Variants in FN1 observed in about 807,000 individuals in gnomAD.
FN1 encodes fibronectin.
A neutral mutation model predicts 297.3 loss-of-function variants in FN1; 106 were observed. The observed-to-expected ratio is 0.36, with a 90% CI of 0.30 to 0.42. The LOEUF is 0.42. FN1 is among the 10% of genes least tolerant of loss of function. The probability of loss-of-function intolerance (pLI) is 1.00; values close to 1 mark genes in which losing one functional copy is unlikely to be tolerated. For synonymous variants in FN1, 1,149 were observed against 1,152.6 expected, an observed-to-expected ratio of 1.00 and a Z score of 0.06; for missense variants, 2,690 against 3,124.9, an observed-to-expected ratio of 0.86 and a Z score of 3.32.
intron 41 of FN1, among the ~76,000 whole-genome samples, chr2:215,369,121 T>C (rs2055287050): frequency 6.7e-6 from 1 of 148,944 alleles, no homozygotes; most frequent in Non-Finnish European, 1.5e-5. Flanking sequence ...AAAAGAAAAA[T>C]GGAAGGAACT....
At position 215,387,069 on chromosome 2, in the gene FN1, G is replaced by C; in HGVS notation, c.4343-111C>G. Reference sequence around the variant, plus strand: ...AACGTACATCCAACATTTCGTTCCTGTCTCATCAATACCATGATTTGCCAT... The same window carrying C: ...AACGTACATCCAACATTTCGTTCCTCTCTCATCAATACCATGATTTGCCAT... On this transcript the variant is annotated intron_variant, in intron 27 of 45. Transcript: ENST00000354785. 3 of 926,666 alleles carry C rather than the reference G, an allele frequency of 3.2e-6. No individual in the cohort carries two copies. In the South Asian group the frequency reaches 4.8e-5, roughly 15 times the overall value. The allele number at this position is 926,666 out of a possible 1,614,324, so 57.4% of individuals were successfully genotyped here. A position where few individuals can be genotyped will look rare whatever the true frequency, so the allele number is the denominator to read the frequency against.
rs760075728 is a variant in FN1, at chr2:215,399,369, T to C, written c.3254-18A>G. 2 of 1,553,390 alleles carry C rather than the reference T, an allele frequency of 1.3e-6. No homozygotes were observed. Among genetic ancestry groups the C allele is most frequent in the South Asian group, 2.2e-5 (2 of 89,860 alleles). ...AGGCTGCACTGTGAGAGAGAATCAA[T>C]GCACATATTCAAAACTCAAACTCAC... On this transcript the variant is annotated intron_variant, in intron 20 of 45. Transcript: ENST00000354785.
chr2:215,417,065 A>G (rs1204890226), intron 12 of FN1, among the ~76,000 whole-genome samples: 1 of 152,224 alleles, frequency 6.6e-6, no homozygotes, highest in Non-Finnish European at 1.5e-5. Context: ...TCTAGCTTAT[A>G]CTACGTATAA....
At position 215,408,406 on chromosome 2, in the gene FN1, A is replaced by G; in HGVS notation, c.2320T>C (p.Ser774Pro). The change falls in exon 16 of 46, where the codon TCT (serine) becomes CCT (proline). Residue 774 changes from serine (S) to proline (P), a missense_variant. Around this residue, in one of 3 missense-constraint regions of FN1, gnomAD observed 876 missense variants for 1,058.1 expected, o/e 0.83. Coordinates refer to ENST00000354785, the MANE Select transcript of FN1 (RefSeq NM_212482.4). Reference protein sequence around the residue: ...QYLDLPSTATSVNIPDLLPGR... With the variant: ...QYLDLPSTATPVNIPDLLPGR... ...GGAAGCAGGTCAGGGATGTTCACAG[A>G]AGTGGCTGTGCTTGGAAGATCTTTG... The G allele has an allele frequency of 6.2e-7, 1 of 1,614,186 alleles. No homozygotes were observed. Among genetic ancestry groups the G allele is most frequent in the Non-Finnish European group, 8.5e-7 (1 of 1,180,022 alleles).
At position 215,424,116 on chromosome 2, in the gene FN1, A is replaced by C. The variant is rs77119476; in HGVS notation, c.1216+30T>G. ...TAGGGCATGAAAGTGAGTTTTTCTCACTTCTGTGGCTCCCCCTTGGGACAC... is the reference window on the plus strand; with the variant it reads ...TAGGGCATGAAAGTGAGTTTTTCTCCCTTCTGTGGCTCCCCCTTGGGACAC... On this transcript the variant is annotated intron_variant, in intron 8 of 45. Transcript: ENST00000354785. 12,237 of 1,609,438 alleles carry C rather than the reference A, an allele frequency of 7.6e-3. 791 individuals are homozygous for C. In the African/African-American group the frequency reaches 0.14, roughly 18 times the overall value.
Position 215,388,314 on chromosome 2 carries a change from A to G in FN1, c.4253-13T>C. 2 of 1,595,406 alleles carry G rather than the reference A, an allele frequency of 1.3e-6. No homozygotes were observed. The highest frequency in any genetic ancestry group is 1.7e-6 in the Non-Finnish European group (2 of 1,163,218). On this transcript the variant is annotated splice_polypyrimidine_tract_variant and intron_variant, in intron 26 of 45. Coordinates refer to ENST00000354785, the MANE Select transcript of FN1 (RefSeq NM_212482.4). Reference sequence around the variant, plus strand: ...CCAGGCAGGAGATCTGTAGGGGCAAATGGGGCTTATTTTAAAACTCTGCTC... The same window carrying G: ...CCAGGCAGGAGATCTGTAGGGGCAAGTGGGGCTTATTTTAAAACTCTGCTC...
At chr2:215,428,070 T>G in intron 6 of FN1, 110 bp downstream of exon 6, 1 of 1,314,156 alleles carries the variant, frequency 7.6e-7, no homozygotes, top group Non-Finnish European at 1.1e-6. Context: ...GGTTATTAGC[T>G]GAAACACTGC....
intron 38 of FN1, among the ~76,000 whole-genome samples, chr2:215,374,512 C>A (rs750488768): frequency 2.0e-5 from 3 of 152,290 alleles, no homozygotes; most frequent in Non-Finnish European, 4.4e-5. Flanking sequence ...TCTGGAAGTT[C>A]CTCCTGTGTG....
At position 215,388,305 on chromosome 2, in the gene FN1, T is replaced by C. The variant is rs2059279702; in HGVS notation, c.4253-4A>G. 1.9e-6 allele frequency: 3 copies of C among 1,605,120 alleles called. No individual in the cohort carries two copies. Among genetic ancestry groups the C allele is most frequent in the African/African-American group, 1.3e-5 (1 of 74,720 alleles). On this transcript the variant is annotated splice_polypyrimidine_tract_variant and splice_region_variant and intron_variant, in intron 26 of 45. Transcript: ENST00000354785. ...TATTCTGTACCAGGCAGGAGATCTG[T>C]AGGGGCAAATGGGGCTTATTTTAAA...
chr2:215,428,929 C>T (rs1239753827), intron 5 of FN1, among the ~76,000 whole-genome samples: 1 of 152,056 alleles, frequency 6.6e-6, no homozygotes, highest in South Asian at 2.1e-4. Context: ...GCAAGAGAAT[C>T]GCTTGAACCC....
intron 44 of FN1, chr2:215,364,544 G>C (rs909537268): frequency 7.6e-6 from 3 of 394,810 alleles, no homozygotes; most frequent in Non-Finnish European, 1.4e-5. Flanking sequence ...AGTGTAAATA[G>C]TATCTCTGAC....
Position 215,433,408 on chromosome 2 carries a change from T to C in FN1, c.331A>G (p.Thr111Ala). 1.2e-6 allele frequency: 2 copies of C among 1,614,182 alleles called. No homozygotes were observed. The highest frequency in any genetic ancestry group is 1.7e-6 in the Non-Finnish European group (2 of 1,179,996). Residue 111 changes from threonine to alanine, a missense_variant, in exon 3 of 46, where the codon ACT becomes GCT. This residue lies in a region of FN1 where 876 missense variants were observed against 1,058.1 expected (regional missense o/e 0.83). Transcript: ENST00000354785. ...YTGNTYRVGDTYERPKDSMIW... is the reference protein window; with the variant it reads ...YTGNTYRVGDAYERPKDSMIW... ...ATGGAGTCTTTAGGACGCTCATAAG[T>C]GTCACCCACTCGGTAAGTGTTCCCA...
chr2:215,401,251 G>A (rs6712975), intron 20 of FN1, among the ~76,000 whole-genome samples: 27,974 of 79,422 alleles, frequency 0.35, 4,900 homozygotes, highest in South Asian at 0.44. Context: ...AGAAAGAAAG[G>A]AAGAAAGAAA....
chr2:215,392,940 G>C lies in FN1; in HGVS notation c.4060C>G (p.Gln1354Glu), dbSNP rs746652738. Residue 1354 changes from glutamine (Q) to glutamate (E), a missense_variant, in exon 25 of 46, where the codon CAA (glutamine) becomes GAA (glutamate). Around this residue, in one of 3 missense-constraint regions of FN1, gnomAD observed 1,743 missense variants for 1,945.2 expected, o/e 0.90. Coordinates refer to ENST00000354785, the MANE Select transcript of FN1 (RefSeq NM_212482.4). ...GGESAPTTLT[Q>E]QTAVPPPTDL... ...AGTTTTCAAAATTCACCCGTTTGTT[G>C]TGTCAGTGTAGTAGGGGCACTCTCG... The C allele has an allele frequency of 1.9e-6, 3 of 1,612,588 alleles. No individual in the cohort carries two copies. The highest frequency in any genetic ancestry group is 3.3e-5 in the Admixed American group (2 of 60,022).
chr2:215,386,524 C>T (rs1383605188), intron 28 of FN1, among the ~76,000 whole-genome samples, 165 bp downstream of exon 28: 1 of 150,810 alleles, frequency 6.6e-6, no homozygotes, highest in Admixed American at 6.6e-5. Flanking sequence ...AGATGTTTCT[C>T]CACATTTTCT....
chr2:215,427,119 C>T (rs916693243), intron 6 of FN1, among the ~76,000 whole-genome samples: 1 of 152,112 alleles, frequency 6.6e-6, no homozygotes, highest in Non-Finnish European at 1.5e-5. Context: ...TCGTGATCCG[C>T]CTGCCTCGGC....
chr2:215,415,427 T>C (rs1386553826), intron 12 of FN1, among the ~76,000 whole-genome samples: 2 of 152,140 alleles, frequency 1.3e-5, no homozygotes, highest in African/African-American at 4.8e-5. Context: ...CCAAAGGCCA[T>C]ATGAGATGAT....
At chr2:215,410,368 T>C (rs983450853) in intron 13 of FN1, among the ~76,000 whole-genome samples, 1 of 152,212 alleles carries the variant, frequency 6.6e-6, no homozygotes, top group African/African-American at 2.4e-5. Flanking sequence ...CTGTGCTGTT[T>C]ACCTACATTC....
chr2:215,392,726 TGA>T, intron 25 of FN1: 1 of 613,266 alleles, frequency 1.6e-6, no homozygotes, highest in Non-Finnish European at 2.9e-6. Flanking sequence ...GTGGTTTAAA[TGA>T]GAGTGTACTG....
Sources: allele counts gnomAD v4.1 joint callset (sites outside exome capture counted in the v4.1 genomes callset), GRCh38; gene constraint gnomAD v4.1.1; regional missense constraint gnomAD v4.1.1; transcripts MANE v1.5; gene names NCBI Gene and HGNC (gene_info 2026-07-23, HGNC 2026-07-21).